MCU: variants seen among roughly 807,000 people sequenced by gnomAD.
MCU encodes calcium uniporter protein, mitochondrial.
MCU carries 12 observed loss-of-function variants against 45.2 expected under a neutral mutation model. That is an observed-to-expected ratio of 0.27 (90% CI 0.17 to 0.43). The LOEUF is 0.43. Ranked by LOEUF, MCU falls within the 20% of genes least tolerant of loss-of-function variation. The pLI, the probability that MCU is intolerant of heterozygous loss-of-function variation, is 1.00. For synonymous variants in MCU, 160 were observed against 165.1 expected (o/e 0.97, Z 0.24); for missense variants, 324 against 436.7 (o/e 0.74, Z 2.30).
chr10:72,799,522 A>G (rs995867086), intron 1 of MCU, among the ~76,000 whole-genome samples: 1 of 151,484 alleles, frequency 6.6e-6, no homozygotes, highest in Non-Finnish European at 1.5e-5. Flanking sequence ...CGGTCTCACT[A>G]TGTTGCTCAG....
chr10:72,742,208 A>G (rs1397087484), intron 1 of MCU, among the ~76,000 whole-genome samples: 1 of 152,096 alleles, frequency 6.6e-6, no homozygotes, highest in East Asian at 1.9e-4. Context: ...ACAGGTGTGT[A>G]GCCTCGGAGC....
At chr10:72,804,753 A>G (rs923704229) in intron 1 of MCU, among the ~76,000 whole-genome samples, 6 of 152,210 alleles carry the variant, frequency 3.9e-5, no homozygotes, top group Non-Finnish European at 8.8e-5. Flanking sequence ...AGTATGTTGC[A>G]TTGTAATTGT....
chr10:72,850,506 G>A (rs1179588719), intron 2 of MCU, among the ~76,000 whole-genome samples: 1 of 151,972 alleles, frequency 6.6e-6, no homozygotes, highest in African/African-American at 2.4e-5. Flanking sequence ...TTGAACACCA[G>A]CCAAACTTCA....
chr10:72,697,686 G>A (rs1040155222), intron 1 of MCU, among the ~76,000 whole-genome samples: 8 of 151,876 alleles, frequency 5.3e-5, no homozygotes, highest in Non-Finnish European at 8.8e-5. Flanking sequence ...CACCCACCTC[G>A]GCCTCCCAAA....
chr10:72,859,425 C>A, intron 3 of MCU, 78 bp downstream of exon 3: 1 of 1,333,474 alleles, frequency 7.5e-7, no homozygotes, highest in Non-Finnish European at 1.0e-6. Flanking sequence ...ACATACACCA[C>A]ACACGTAGCT....
chr10:72,800,179 C>T (rs1322183188), intron 1 of MCU, among the ~76,000 whole-genome samples: 1 of 152,162 alleles, frequency 6.6e-6, no homozygotes, highest in African/African-American at 2.4e-5. Context: ...TGTGTCTTTT[C>T]CAAGCACAGC....
At chr10:72,755,263 C>T (rs897184494) in intron 1 of MCU, among the ~76,000 whole-genome samples, 14 of 151,856 alleles carry the variant, frequency 9.2e-5, no homozygotes, top group Non-Finnish European at 2.1e-4. Context: ...ATTCTCCTGC[C>T]TCAGCCACCC....
intron 1 of MCU, among the ~76,000 whole-genome samples, chr10:72,832,932 C>CTGTGTGCGTGTGTGTGTGTGTG (rs1399130294): frequency 5.8e-4 from 33 of 57,124 alleles, no homozygotes; most frequent in African/African-American, 1.1e-3. Context: ...AAACCAATAG[C>CTGTGTGCGTGTGTGTGTGTGTG]TATGTGTGTG....
rs1589427564 is a variant in MCU at position 72,711,889 on chromosome 10, T to G, written c.150+19588T>G. 2.0e-5 allele frequency among the ~76,000 whole-genome samples: 3 copies of G among 151,652 alleles called. No homozygotes were observed. The South Asian group carries it at 6.2e-4, about 32-fold the overall frequency. On this transcript the variant is annotated intron_variant, in intron 1 of 7. Coordinates refer to ENST00000373053, the MANE Select transcript of MCU (RefSeq NM_138357.3). ...ACCACTCCCAGCTAATTTTCTGTAT[T>G]TTTTAGTAGAGACAGGGTTTCACCG...
At chr10:72,785,206 C>T (rs1158100575) in intron 1 of MCU, among the ~76,000 whole-genome samples, 2 of 152,146 alleles carry the variant, frequency 1.3e-5, no homozygotes, top group African/African-American at 2.4e-5. Context: ...GTGCTACTGC[C>T]GTCACTTTTC....
chr10:72,859,656 A>G (rs1180356335), intron 3 of MCU, among the ~76,000 whole-genome samples: 1 of 152,170 alleles, frequency 6.6e-6, no homozygotes, highest in Non-Finnish European at 1.5e-5. Flanking sequence ...ACTTTTTATC[A>G]TTACTTTCGG....
At chr10:72,710,812 A>C (rs1039993356) in intron 1 of MCU, among the ~76,000 whole-genome samples, 1 of 151,384 alleles carries the variant, frequency 6.6e-6, no homozygotes, top group Non-Finnish European at 1.5e-5. Flanking sequence ...TTACCATCCC[A>C]TGAGTGTGTT....
chr10:72,803,400 CAA>C (rs1226034525), intron 1 of MCU, among the ~76,000 whole-genome samples: 1 of 151,608 alleles, frequency 6.6e-6, no homozygotes, highest in African/African-American at 2.4e-5. Flanking sequence ...AAACAATTGA[CAA>C]ATGCTTGCCA....
chr10:72,868,706 T>A lies in MCU; in HGVS notation c.500T>A (p.Leu167His). 1.2e-6 allele frequency: 2 copies of A among 1,613,088 alleles called. No homozygotes were observed. The highest frequency in any genetic ancestry group is 1.7e-5 in the Admixed American group (1 of 59,610). ...AAAAATGTAACTTTTGTTTCAGACC[T>A]CTTAAGTCATGAAAATGCAGCAACG... ...TYHVRPPKRD[L>H]LSHENAATLN... The change falls in exon 5 of 8, where the codon CTC (leucine) becomes CAC (histidine). Residue 167 changes from leucine to histidine, a missense_variant. By Grantham distance (99) the Leu-to-His change is moderately conservative. This residue lies in a region of MCU where 135 missense variants were observed against 207.3 expected (regional missense o/e 0.65). Transcript: ENST00000373053.
chr10:72,788,223 A>G (rs989645001), intron 1 of MCU, among the ~76,000 whole-genome samples: 1 of 152,260 alleles, frequency 6.6e-6, no homozygotes, highest in African/African-American at 2.4e-5. Context: ...GACTATGAGT[A>G]TATGACTCCA....
intron 6 of MCU, among the ~76,000 whole-genome samples, chr10:72,883,366 G>A (rs985670109): frequency 3.9e-5 from 6 of 152,144 alleles, no homozygotes; most frequent in Non-Finnish European, 7.3e-5. Context: ...AAATTGTATG[G>A]TATGTGAATT....
intron 2 of MCU, among the ~76,000 whole-genome samples, chr10:72,843,868 C>T (rs1304056902): frequency 6.6e-6 from 1 of 152,118 alleles, no homozygotes; most frequent in Non-Finnish European, 1.5e-5. Flanking sequence ...CTTCTCTTGA[C>T]ATTTAAAGAA....
At chr10:72,774,467 C>A (rs1843860209) in intron 1 of MCU, among the ~76,000 whole-genome samples, 1 of 151,930 alleles carries the variant, frequency 6.6e-6, no homozygotes, top group African/African-American at 2.4e-5. Flanking sequence ...GTCACTTAAC[C>A]ACAAAGGAAG....
At chr10:72,692,962 C>T (rs1203711684) in intron 1 of MCU, 2 of 1,534,980 alleles carry the variant, frequency 1.3e-6, no homozygotes, top group Admixed American at 3.9e-5. Context: ...CCTCTTGGGT[C>T]CTTAAAGGTG....
Sources: gnomAD v4.1 joint callset for allele counts (sites outside exome capture counted in the v4.1 genomes callset) on GRCh38, gnomAD v4.1.1 for gene constraint, gnomAD v4.1.1 regional missense constraint, MANE v1.5 for transcripts, NCBI Gene and HGNC (gene_info 2026-07-23, HGNC 2026-07-21) for gene names.